Variants in RANBP17 observed in about 807,000 individuals in gnomAD.
The protein encoded by RANBP17 is RAN binding protein 17, also known as ran-binding protein 17.
A neutral mutation model predicts 141.2 loss-of-function variants in RANBP17; 158 were observed. That is an observed-to-expected ratio of 1.12 (90% CI 0.98 to 1.28). The LOEUF is 1.28. Among genes scored for constraint, RANBP17 ranks in the 50% most tolerant of loss-of-function variants. The pLI, the probability that RANBP17 is intolerant of heterozygous loss-of-function variation, is 0.00. For synonymous variants in RANBP17, 430 were observed against 450.0 expected (o/e 0.96, Z 0.56); for missense variants, 1,438 against 1,290.7 (o/e 1.11, Z -1.75).
chr5:170,921,116 T>C (rs1772420573), intron 11 of RANBP17, among the ~76,000 whole-genome samples: 2 of 152,248 alleles, frequency 1.3e-5, no homozygotes, highest in East Asian at 3.8e-4. Context: ...TTGTCAATTT[T>C]GGCTTTGGTT....
chr5:171,142,232 T>A (rs1345496666), intron 14 of RANBP17, among the ~76,000 whole-genome samples: 1 of 152,222 alleles, frequency 6.6e-6, no homozygotes, highest in Non-Finnish European at 1.5e-5. Flanking sequence ...GGAGCCCCTC[T>A]CTCAAGATGA....
intron 3 of RANBP17, among the ~76,000 whole-genome samples, chr5:170,884,092 G>T (rs1190273702): frequency 1.3e-5 from 2 of 152,178 alleles, no homozygotes; most frequent in Non-Finnish European, 2.9e-5. Context: ...AGTTCCTGTT[G>T]CACCACATCC....
At chr5:170,939,307 TCCC>T (rs960881787) in intron 12 of RANBP17, among the ~76,000 whole-genome samples, 1 of 152,068 alleles carries the variant, frequency 6.6e-6, no homozygotes, top group Non-Finnish European at 1.5e-5. Flanking sequence ...AGGGGCATGG[TCCC>T]AGAAGGAAGA....
chr5:170,891,165 A>G (rs899716471), intron 3 of RANBP17, among the ~76,000 whole-genome samples: 1 of 152,250 alleles, frequency 6.6e-6, no homozygotes, highest in Non-Finnish European at 1.5e-5. Flanking sequence ...GATTATGAAA[A>G]TAAAATTTAA....
chr5:171,149,038 T>A (rs1045532025), intron 14 of RANBP17, among the ~76,000 whole-genome samples: 2 of 152,212 alleles, frequency 1.3e-5, no homozygotes, highest in Admixed American at 1.3e-4. Flanking sequence ...AGAGGCTGAT[T>A]GCTGGTAAAG....
intron 14 of RANBP17, among the ~76,000 whole-genome samples, chr5:171,080,496 G>A (rs1282866461): frequency 6.6e-6 from 1 of 152,178 alleles, no homozygotes; most frequent in Non-Finnish European, 1.5e-5. Context: ...AATTTTTAAT[G>A]TGAAAGCACT....
intron 14 of RANBP17, among the ~76,000 whole-genome samples, chr5:171,083,375 C>T (rs1391427101): frequency 6.6e-6 from 1 of 152,116 alleles, no homozygotes; most frequent in African/African-American, 2.4e-5. Context: ...GTCTGCAACC[C>T]AGAAGAGGGC....
At chr5:170,879,142 A>G (rs970524492) in intron 2 of RANBP17, among the ~76,000 whole-genome samples, 8 of 152,116 alleles carry the variant, frequency 5.3e-5, no homozygotes, top group African/African-American at 1.9e-4. Context: ...CTATAATGAG[A>G]TTTTACATAT....
intron 14 of RANBP17, among the ~76,000 whole-genome samples, chr5:171,068,183 T>A (rs180810906): frequency 6.6e-6 from 1 of 152,296 alleles, no homozygotes; most frequent in African/African-American, 2.4e-5. Flanking sequence ...TTGATTTTTT[T>A]AATTTCAGCT....
intron 14 of RANBP17, chr5:170,983,004 G>T: frequency 2.4e-6 from 1 of 413,950 alleles, no homozygotes; most frequent in South Asian, 2.1e-5. Context: ...TATGAAAATA[G>T]AATAAAGACC....
intron 14 of RANBP17, among the ~76,000 whole-genome samples, chr5:171,016,209 C>A (rs1472772118): frequency 2.2e-5 from 3 of 139,394 alleles, no homozygotes; most frequent in African/African-American, 8.1e-5. Flanking sequence ...ACTCCAATGT[C>A]TTGAAGGTTG....
At chr5:170,921,288 C>T (rs1772441394) in intron 11 of RANBP17, among the ~76,000 whole-genome samples, 1 of 152,124 alleles carries the variant, frequency 6.6e-6, no homozygotes, top group Non-Finnish European at 1.5e-5. Context: ...GGAAGGAATC[C>T]AGTTTCAGCT....
At chr5:171,169,861 G>T (rs1437904517) in intron 14 of RANBP17, among the ~76,000 whole-genome samples, 2 of 151,792 alleles carry the variant, frequency 1.3e-5, no homozygotes, top group South Asian at 2.1e-4. Flanking sequence ...AAAAAAAAAT[G>T]TGTGTGGTGT....
chr5:170,881,752 A>G (rs938403877), intron 2 of RANBP17, 54 bp from the exon 3 acceptor site: 13 of 1,271,174 alleles, frequency 1.0e-5, no homozygotes, highest in African/African-American at 6.0e-5. Flanking sequence ...CTCTATCACA[A>G]TGCTTTATTT....
At chr5:171,211,126 CAGTA>C (rs1200345082) in intron 20 of RANBP17, among the ~76,000 whole-genome samples, 1 of 151,380 alleles carries the variant, frequency 6.6e-6, no homozygotes, top group East Asian at 1.9e-4. Flanking sequence ...AGAAACAAAA[CAGTA>C]AGTTGTCTGA....
chr5:170,881,748 CA>C (rs1768714591), intron 2 of RANBP17, 57 bp from the exon 3 acceptor site: 2 of 1,244,776 alleles, frequency 1.6e-6, no homozygotes, highest in Non-Finnish European at 2.2e-6. Context: ...ACATCTCTAT[CA>C]CAATGCTTTA....
chr5:171,072,427 T>C (rs571523161), intron 14 of RANBP17, among the ~76,000 whole-genome samples: 1 of 148,218 alleles, frequency 6.7e-6, no homozygotes, highest in South Asian at 2.1e-4. Context: ...GAAACTAATA[T>C]AGGAAGAAAA....
intron 14 of RANBP17, among the ~76,000 whole-genome samples, chr5:171,081,569 G>A (rs1211385732): frequency 6.6e-6 from 1 of 152,022 alleles, no homozygotes; most frequent in Non-Finnish European, 1.5e-5. Flanking sequence ...ACATATCATT[G>A]TACAACTGTT....
chr5:170,877,476 G>A lies in RANBP17; in HGVS notation c.19-621G>A, dbSNP rs544072346. Among the ~76,000 whole-genome samples, 12 of 152,082 alleles carry A rather than the reference G, an allele frequency of 7.9e-5. No individual in the cohort carries two copies. In the South Asian group the frequency reaches 8.3e-4, roughly 11 times the overall value. ...GGGATTTTGCCATGTTGCCTGTGGT[G>A]GTCTTGAACTCCTGGGCTCAAGCGA... On this transcript the variant is annotated intron_variant, in intron 1 of 27. Coordinates refer to ENST00000523189, the MANE Select transcript of RANBP17 (RefSeq NM_022897.5).
Sources: gnomAD v4.1 joint callset for allele counts (sites outside exome capture counted in the v4.1 genomes callset) on GRCh38, gnomAD v4.1.1 for gene constraint, MANE v1.5 for transcripts, NCBI Gene and HGNC (gene_info 2026-07-23, HGNC 2026-07-21) for gene names.